The following HMGCLL1 variants were observed in gnomAD, a reference collection of about 807,000 sequenced individuals.
HMGCLL1 encodes the protein 3-hydroxy-3-methylglutaryl-CoA lyase like 1, also known as 3-hydroxymethyl-3-methylglutaryl-CoA lyase, cytoplasmic.
Under a neutral mutation model 39.1 loss-of-function variants are expected in HMGCLL1, and 36 were observed. The ratio of observed to expected loss-of-function variants is 0.92; its 90% CI spans 0.71 to 1.22. The LOEUF is 1.22. HMGCLL1 is among the 50% of genes most tolerant of loss of function. HMGCLL1 has a pLI of 0.00. For synonymous variants in HMGCLL1, 149 were observed against 144.0 expected (o/e 1.03, Z -0.25); for missense variants, 451 against 416.5 (o/e 1.08, Z -0.72).
chr6:55,451,190 T>C (rs939116266), intron 7 of HMGCLL1, among the ~76,000 whole-genome samples: 2 of 152,210 alleles, frequency 1.3e-5, no homozygotes, highest in African/African-American at 4.8e-5. Context: ...GGTCCCCATG[T>C]ATTTTTCATA....
At chr6:55,625,637 A>T in the HMGCLL1 span, among the ~76,000 whole-genome samples, 3 of 152,318 alleles carry the variant, frequency 2.0e-5, no homozygotes, top group East Asian at 5.8e-4. Flanking sequence ...AACTTTGAGC[A>T]GTGAACCTGA....
rs555751907 is a variant in HMGCLL1, at chr6:55,535,052, A to AT, written c.297+6676dup. 1.1e-3 allele frequency among the ~76,000 whole-genome samples: 173 copies of AT among 152,284 alleles called. 1 individual carries two copies. The highest frequency in any genetic ancestry group is 4.0e-3 in the African/African-American group (168 of 41,556). ...CTCAATTTTCTTGAAGAGCTAACAT[A>AT]TTTTATCTATGTGGATCTAGCTCTC... On this transcript the variant is annotated intron_variant, in intron 3 of 8. Transcript: ENST00000274901.
At chr6:55,486,408 A>T (rs995066931) in intron 7 of HMGCLL1, among the ~76,000 whole-genome samples, 19 of 152,042 alleles carry the variant, frequency 1.2e-4, no homozygotes, top group African/African-American at 4.6e-4. Context: ...GCTGAGATAC[A>T]TCTAAAAATT....
chr6:55,510,227 T>C (rs1037140581), intron 5 of HMGCLL1, among the ~76,000 whole-genome samples: 2 of 152,016 alleles, frequency 1.3e-5, no homozygotes, highest in African/African-American at 4.8e-5. Flanking sequence ...TTCTTGGCCA[T>C]CTTATAGGAG....
chr6:55,608,067 T>C, the HMGCLL1 span, among the ~76,000 whole-genome samples: 1 of 152,328 alleles, frequency 6.6e-6, no homozygotes, highest in East Asian at 1.9e-4. Flanking sequence ...CTCTCCTTAA[T>C]ACACATTAAT....
chr6:55,458,215 T>C (rs1257686070), intron 7 of HMGCLL1, among the ~76,000 whole-genome samples: 1 of 152,198 alleles, frequency 6.6e-6, no homozygotes, highest in Admixed American at 6.5e-5. Context: ...GTATTCATCA[T>C]ATCATTGAAC....
At chr6:55,519,591 A>T (rs1767929777) in intron 3 of HMGCLL1, among the ~76,000 whole-genome samples, 1 of 152,138 alleles carries the variant, frequency 6.6e-6, no homozygotes, top group Non-Finnish European at 1.5e-5. Flanking sequence ...GAAAATAAGC[A>T]AACTTATTTC....
At chr6:55,611,904 A>T in the HMGCLL1 span, among the ~76,000 whole-genome samples, 3 of 152,196 alleles carry the variant, frequency 2.0e-5, no homozygotes, top group Non-Finnish European at 4.4e-5. Flanking sequence ...CAAGAAAAGG[A>T]TGCCCCCTCT....
At chr6:55,609,668 A>T in the HMGCLL1 span, among the ~76,000 whole-genome samples, 1 of 152,144 alleles carries the variant, frequency 6.6e-6, no homozygotes, top group Non-Finnish European at 1.5e-5. Flanking sequence ...TCGTCCACCA[A>T]GGGACAGCCA....
chr6:55,576,353 A>T (rs949507849), intron 1 of HMGCLL1, among the ~76,000 whole-genome samples: 1 of 152,178 alleles, frequency 6.6e-6, no homozygotes, highest in Non-Finnish European at 1.5e-5. Context: ...AACTCAAAAA[A>T]GGCCACTGTG....
chr6:55,659,823 G>A, the HMGCLL1 span, among the ~76,000 whole-genome samples: 1 of 151,882 alleles, frequency 6.6e-6, no homozygotes, highest in South Asian at 2.1e-4. Context: ...TAAACATAAA[G>A]TTACCAAAGT....
the HMGCLL1 span, among the ~76,000 whole-genome samples, chr6:55,661,373 A>G: frequency 6.6e-6 from 1 of 151,932 alleles, no homozygotes; most frequent in Non-Finnish European, 1.5e-5. Context: ...TCTTCAATCC[A>G]TCTTGAGTTT....
At chr6:55,466,437 C>T (rs1463092123) in intron 7 of HMGCLL1, among the ~76,000 whole-genome samples, 1 of 152,058 alleles carries the variant, frequency 6.6e-6, no homozygotes, top group Non-Finnish European at 1.5e-5. Flanking sequence ...TCTGCAATGA[C>T]CTTTATGCTT....
the HMGCLL1 span, among the ~76,000 whole-genome samples, chr6:55,588,028 T>G: frequency 6.6e-6 from 1 of 152,040 alleles, no homozygotes; most frequent in Non-Finnish European, 1.5e-5. Flanking sequence ...ATCCAGGAAT[T>G]GAACTCAGCT....
chr6:55,587,704 G>A, the HMGCLL1 span, among the ~76,000 whole-genome samples: 1 of 152,156 alleles, frequency 6.6e-6, no homozygotes, highest in East Asian at 1.9e-4. Flanking sequence ...AAGGGACGGA[G>A]GAAGATCTAT....
At chr6:55,664,687 A>G in the HMGCLL1 span, among the ~76,000 whole-genome samples, 4 of 151,744 alleles carry the variant, frequency 2.6e-5, no homozygotes, top group African/African-American at 7.3e-5. Flanking sequence ...GACAAGGCTT[A>G]GCTGAATGCC....
the HMGCLL1 span, among the ~76,000 whole-genome samples, chr6:55,611,352 CA>C: frequency 1.3e-5 from 2 of 152,006 alleles, no homozygotes; most frequent in African/African-American, 4.8e-5. Context: ...CTAAAAGGAC[CA>C]GACTGAATCA....
At chr6:55,620,592 A>T in the HMGCLL1 span, among the ~76,000 whole-genome samples, 1 of 151,556 alleles carries the variant, frequency 6.6e-6, no homozygotes, top group Non-Finnish European at 1.5e-5. Flanking sequence ...CCATTTGTCC[A>T]TTTTTATTTT....
chr6:55,604,831 G>A, the HMGCLL1 span, among the ~76,000 whole-genome samples: 696 of 152,126 alleles, frequency 4.6e-3, 5 homozygotes, highest in African/African-American at 0.015. Context: ...TTCACACAGT[G>A]GGCACTACAT....
Sources: gnomAD v4.1 joint callset for allele counts (sites outside exome capture counted in the v4.1 genomes callset) on GRCh38, gnomAD v4.1.1 for gene constraint, MANE v1.5 for transcripts, NCBI Gene and HGNC (gene_info 2026-07-23, HGNC 2026-07-21) for gene names.